PRR33: variants seen among roughly 807,000 people sequenced by gnomAD.
PRR33 encodes the protein proline rich 33.
A neutral mutation model predicts 0.5 loss-of-function variants in PRR33; 1 was observed. The observed-to-expected ratio is 2.18, with a 90% confidence interval of 0.77 to 10.34. The LOEUF (loss-of-function observed/expected upper bound fraction) is 10.34, where lower values mean the gene tolerates loss of function less well. Ranked by LOEUF, PRR33 falls within the 30% of genes most tolerant of loss-of-function variation. The pLI, the probability that PRR33 is intolerant of heterozygous loss-of-function variation, is 0.13. For missense variants in PRR33, 552 were observed against 251.8 expected (o/e 2.19, Z -8.07); for synonymous variants, 226 against 110.0 (o/e 2.06, Z -6.60).
At chr11:1,889,032 C>T in exon 1 of PRR33, 1 of 574,100 alleles carries the variant, frequency 1.7e-6, no homozygotes, top group Non-Finnish European at 3.1e-6. Context: ...GCACCCCATG[C>T]CCCTTGGGCC....
chr11:1,890,072 A>G, exon 1 of PRR33: 1 of 713,570 alleles, frequency 1.4e-6, no homozygotes, highest in Non-Finnish European at 2.6e-6. Context: ...CCCCACCCCC[A>G]GAGACAGGGA....
chr11:1,895,906 G>T (rs1056928072), upstream of PRR33, among the ~76,000 whole-genome samples: 2 of 152,138 alleles, frequency 1.3e-5, no homozygotes, highest in African/African-American at 2.4e-5. Flanking sequence ...TACTTGGGCG[G>T]CTGAGGTGGG....
At chr11:1,890,302 G>A in exon 1 of PRR33, 2 of 711,910 alleles carry the variant, frequency 2.8e-6, no homozygotes, top group East Asian at 2.7e-5. Context: ...GCTTCAGGAA[G>A]GCGTGGGGCT....
chr11:1,910,041 G>C, the PRR33 span, among the ~76,000 whole-genome samples: 1 of 152,176 alleles, frequency 6.6e-6, no homozygotes, highest in East Asian at 1.9e-4. Context: ...CCGGGACTTC[G>C]CCATTGGTGG....
the PRR33 span, chr11:1,902,675 C>A: frequency 6.6e-6 from 1 of 152,090 alleles, no homozygotes; most frequent in East Asian, 1.9e-4. Flanking sequence ...CTGATCCAGA[C>A]CCCAAGAGAG....
rs1173287196 is a variant in PRR33 at position 1,890,235 on chromosome 11, G to T, written c.350C>A (p.Thr117Asn). The T allele has an allele frequency of 7.0e-6, 5 of 716,580 alleles. No homozygotes were observed. In the Admixed American group the frequency reaches 8.0e-5, roughly 11 times the overall value. 44.4% of individuals were successfully genotyped at this position (716,580 alleles called of 1,614,324 possible). Reference sequence around the variant, plus strand: ...TGATGCCACGTGGTGGATGATGGGGGTGTGCGGGGAGCGGGGTAGGGCAGC... The same window carrying T: ...TGATGCCACGTGGTGGATGATGGGGTTGTGCGGGGAGCGGGGTAGGGCAGC... The change falls in exon 1 of 1, where the codon ACC becomes AAC. Residue 117 changes from threonine to asparagine, a missense_variant. Physicochemically the swap from Thr to Asn is moderately conservative, Grantham distance 65 (BLOSUM62 0). Coordinates refer to ENST00000640310, the Ensembl canonical transcript of PRR33.
At chr11:1,902,455 C>A in the PRR33 span, among the ~76,000 whole-genome samples, 1 of 152,166 alleles carries the variant, frequency 6.6e-6, no homozygotes, top group Non-Finnish European at 1.5e-5. Flanking sequence ...TCTAGGATAG[C>A]TTTCTGTATG....
exon 1 of PRR33, chr11:1,889,941 C>G: frequency 1.6e-6 from 1 of 629,710 alleles, no homozygotes; most frequent in Non-Finnish European, 2.9e-6. Flanking sequence ...CCTGGGGGGA[C>G]TTGGGGTGGC....
At chr11:1,896,372 T>G (rs958197002), upstream of PRR33, among the ~76,000 whole-genome samples, 13 of 152,246 alleles carry the variant, frequency 8.5e-5, no homozygotes, top group Non-Finnish European at 1.9e-4. Context: ...ACATCTTTTG[T>G]CAGATTGACC....
chr11:1,894,736 T>C (rs1055912612), upstream of PRR33, among the ~76,000 whole-genome samples: 1 of 152,188 alleles, frequency 6.6e-6, no homozygotes, highest in African/African-American at 2.4e-5. Context: ...TCAGGGTGGT[T>C]TCCAGTTTTG....
At chr11:1,913,854 C>T in the PRR33 span, among the ~76,000 whole-genome samples, 57 of 152,376 alleles carry the variant, frequency 3.7e-4, no homozygotes, top group African/African-American at 1.3e-3. Context: ...GCACTGGGAT[C>T]GCGGACTCCT....
the PRR33 span, chr11:1,903,230 C>T: frequency 2.6e-5 from 4 of 151,960 alleles, no homozygotes; most frequent in Admixed American, 1.3e-4. Flanking sequence ...CCTCCCGCCT[C>T]AGCCTCCTAA....
At chr11:1,899,564 G>C in the PRR33 span, among the ~76,000 whole-genome samples, 1 of 152,104 alleles carries the variant, frequency 6.6e-6, no homozygotes, top group Non-Finnish European at 1.5e-5. Flanking sequence ...GGACTTCCAG[G>C]GACTATTTCA....
chr11:1,894,963 G>A (rs1037048787), upstream of PRR33, among the ~76,000 whole-genome samples: 8 of 152,146 alleles, frequency 5.3e-5, no homozygotes, highest in East Asian at 1.9e-4. Flanking sequence ...TGGAGGGTGC[G>A]GTCTGTGATT....
At chr11:1,902,065 T>C in the PRR33 span, among the ~76,000 whole-genome samples, 1 of 152,010 alleles carries the variant, frequency 6.6e-6, no homozygotes, top group Non-Finnish European at 1.5e-5. Context: ...ATCCCGTCTC[T>C]ACTAAAAATA....
At chr11:1,898,622 C>T in the PRR33 span, among the ~76,000 whole-genome samples, 1 of 152,204 alleles carries the variant, frequency 6.6e-6, no homozygotes, top group East Asian at 1.9e-4. Flanking sequence ...AAGAGTGAAG[C>T]TCCTGCCAGA....
chr11:1,893,598 G>A (rs1849078699), upstream of PRR33, among the ~76,000 whole-genome samples: 1 of 149,180 alleles, frequency 6.7e-6, no homozygotes, highest in African/African-American at 2.5e-5. Context: ...AGGGAGGGAT[G>A]AGTGAGTGAA....
upstream of PRR33, chr11:1,892,147 A>G (rs548195): frequency 0.96 from 146,642 of 152,346 alleles, 70,590 homozygotes; most frequent in East Asian, 1. Context: ...AGATCCAAGG[A>G]GAAACTGCAG....
chr11:1,890,284 G>A (rs1423479565), exon 1 of PRR33: 52 of 712,564 alleles, frequency 7.3e-5, no homozygotes, highest in Non-Finnish European at 6.0e-5. Flanking sequence ...GCCTCGGCGG[G>A]GCGTGGGGCT....
Sources: gnomAD v4.1 joint callset for allele counts (sites outside exome capture counted in the v4.1 genomes callset) on GRCh38, gnomAD v4.1.1 for gene constraint, MANE v1.5 for transcripts, NCBI Gene and HGNC (gene_info 2026-07-23, HGNC 2026-07-21) for gene names.